The following PAPLN variants were observed in gnomAD, a reference collection of about 807,000 sequenced individuals.
PAPLN encodes the protein papilin, proteoglycan like sulfated glycoprotein.
In PAPLN, 146 loss-of-function variants were observed where a neutral mutation model predicts 159.0. The ratio of observed to expected loss-of-function variants is 0.92; its 90% CI spans 0.80 to 1.05. PAPLN has a LOEUF of 1.05. PAPLN is among the 50% of genes least tolerant of loss of function. The pLI is 0.00. For synonymous variants in PAPLN, 734 were observed against 702.9 expected, an observed-to-expected ratio of 1.04 and a Z score of -0.70; for missense variants, 1,720 against 1,743.9, an observed-to-expected ratio of 0.99 and a Z score of 0.24.
chr14:73,265,414 CA>C lies in PAPLN; in HGVS notation c.3171del (p.Gly1058AlafsTer6). ...QNQPRVVDAS[P>X]GQRIRMTCRA... ...CAGCCCCGGGTGGTGGATGCCAGTC[CA>C]GGCCAGCGGATCCGGATGACCTGCC... On this transcript the variant is annotated frameshift_variant, in exon 23 of 27. Coordinates refer to ENST00000644200, the MANE Select transcript of PAPLN (RefSeq NM_001365906.3). LOFTEE classifies it high-confidence loss of function. The surrounding 1 kb of genome is among the most constrained non-coding windows in gnomAD (Gnocchi z 4.1). The C allele has an allele frequency of 6.2e-7, 1 of 1,612,520 alleles. No individual in the cohort carries two copies. The highest frequency in any genetic ancestry group is 8.5e-7 in the Non-Finnish European group (1 of 1,180,012).
chr14:73,266,944 C>T (rs1427828320), intron 25 of PAPLN, 113 bp downstream of exon 25: 3 of 1,049,068 alleles, frequency 2.9e-6, no homozygotes, highest in African/African-American at 1.6e-5. Flanking sequence ...TTCCGGCTTC[C>T]AGGCCTGGTG....
Position 73,245,500 on chromosome 14 carries a change from T to C in PAPLN, c.171-136T>C. ...ACTCCCACCTGGGGGATTTACGGGG[T>C]GGGGTCGGGGGACACCCTCTCACCT... On this transcript the variant is annotated intron_variant, in intron 3 of 26. Coordinates refer to ENST00000644200, the MANE Select transcript of PAPLN (RefSeq NM_001365906.3). This position sits in a 1 kb window ranked among gnomAD's most constrained non-coding sequence, Gnocchi z 4.2. The C allele has an allele frequency of 1.1e-6, 1 of 916,472 alleles. No homozygotes were observed. Among genetic ancestry groups the C allele is most frequent in the Non-Finnish European group, 1.6e-6 (1 of 617,102 alleles). The allele number at this position is 916,472 out of a possible 1,614,324, so 56.8% of individuals were successfully genotyped here.
chr14:73,239,441 T>G (rs188478663), intron 1 of PAPLN, among the ~76,000 whole-genome samples: 9 of 152,386 alleles, frequency 5.9e-5, no homozygotes, highest in Middle Eastern at 6.8e-3. Context: ...AAAGTGAGTC[T>G]AATTACTCGG....
intron 22 of PAPLN, 92 bp downstream of exon 22, chr14:73,264,818 C>T: frequency 6.4e-7 from 1 of 1,567,610 alleles, no homozygotes; most frequent in Non-Finnish European, 8.6e-7. Context: ...CTGCTGTGAC[C>T]AGGCCTTGCC....
At position 73,245,023 on chromosome 14, in the gene PAPLN, G is replaced by A. The variant is rs1884043950; in HGVS notation, c.170+264G>A. 5.7e-6 allele frequency: 2 copies of A among 351,450 alleles called. No individual in the cohort carries two copies. The highest frequency in any genetic ancestry group is 1.0e-5 in the Non-Finnish European group (2 of 192,394). The allele number at this position is 351,450 out of a possible 1,614,324, so 21.8% of individuals were successfully genotyped here. On this transcript the variant is annotated intron_variant, in intron 3 of 26. Transcript: ENST00000644200. The surrounding 1 kb of genome is among the most constrained non-coding windows in gnomAD (Gnocchi z 4.2). ...TGATGCTGCACCGGCCTGCAGTATG[G>A]CAGGTGCAGTCAATTTTGCTGGAAC...
intron 14 of PAPLN, 98 bp downstream of exon 14, chr14:73,255,116 CTG>C (rs935084341): frequency 2.1e-6 from 3 of 1,456,304 alleles, no homozygotes; most frequent in African/African-American, 2.8e-5. Flanking sequence ...TCTGCCTGCA[CTG>C]TGTCATCCCT....
chr14:73,251,124 G>A (rs1340510543), intron 7 of PAPLN, 94 bp downstream of exon 7: 4 of 1,513,292 alleles, frequency 2.6e-6, no homozygotes, highest in South Asian at 1.3e-5. Flanking sequence ...TCCAGGCCAA[G>A]TGGCCCTCAT....
chr14:73,253,897 C>A lies in PAPLN; in HGVS notation c.1238C>A (p.Pro413His). Reference protein sequence around the residue: ...EAECAGLPGKPPAIQACNLQR... With the variant: ...EAECAGLPGKHPAIQACNLQR... ...GAGTGTGCCGGGCTGCCTGGGAAGC[C>A]CCCTGCCATTCAGGCCTGTAACCTG... Residue 413 changes from proline (P) to histidine (H), a missense_variant, in exon 12 of 27, where the codon CCC becomes CAC. Coordinates refer to ENST00000644200, the MANE Select transcript of PAPLN (RefSeq NM_001365906.3). 6.2e-7 allele frequency: 1 copy of A among 1,613,380 alleles called. No individual in the cohort carries two copies. Among genetic ancestry groups the A allele is most frequent in the Non-Finnish European group, 8.5e-7 (1 of 1,179,920 alleles).
chr14:73,247,168 T>C (rs1884498418), intron 5 of PAPLN, among the ~76,000 whole-genome samples: 2 of 152,124 alleles, frequency 1.3e-5, no homozygotes, highest in South Asian at 4.1e-4. Flanking sequence ...CAGGAGGGGC[T>C]GGAAGGGGCT....
At chr14:73,236,044 C>A (rs1883019086), upstream of PAPLN, among the ~76,000 whole-genome samples, 1 of 152,230 alleles carries the variant, frequency 6.6e-6, no homozygotes, top group African/African-American at 2.4e-5. Context: ...AAAGGCAGAA[C>A]AGCGTGGGGG....
intron 19 of PAPLN, chr14:73,263,374 T>C (rs897886924): frequency 1.8e-6 from 1 of 553,232 alleles, no homozygotes; most frequent in African/African-American, 1.9e-5. Flanking sequence ...CCTCCCGACC[T>C]CTCCCCACCC....
rs1225226340 is a variant in PAPLN at position 73,246,132 on chromosome 14, G to A, written c.291G>A (p.Ala97=). Residue 97 remains alanine, a synonymous_variant, in exon 5 of 27, where the codon GCG becomes GCA. Coordinates refer to ENST00000644200, the MANE Select transcript of PAPLN (RefSeq NM_001365906.3). ...RAEQCAEFDG[A]EFQGRRYRWL... is the part of the protein sequence containing the mutation. The stretch of plus-strand genomic sequence containing the variant: ...AGCAGTGCGCGGAGTTCGACGGAGC[G>A]GAGTTCCAGGGGCGGCGGTATCGGT... 1.3e-6 allele frequency: 2 copies of A among 1,591,270 alleles called. No homozygotes were observed. The highest frequency in any genetic ancestry group is 1.1e-5 in the South Asian group (1 of 88,818).
rs189127558 is a variant in PAPLN at position 73,254,905 on chromosome 14, G to A, written c.1514G>A (p.Arg505Gln). ...TCCAAGAGCTGCAGCTCGGGCACTC[G>A]GAGGCGACAGGTCATCTGTGCCATT... ...LCSKSCSSGTRRRQVICAIGP... is the reference protein window; with the variant it reads ...LCSKSCSSGTQRRQVICAIGP... Residue 505 changes from arginine to glutamine, a missense_variant, in exon 14 of 27, where the codon CGG (arginine) becomes CAG (glutamine). Physicochemically the swap from Arg to Gln is conservative, Grantham distance 43. Transcript: ENST00000644200. 2.1e-5 allele frequency: 34 copies of A among 1,612,648 alleles called. No homozygotes were observed. The highest frequency in any genetic ancestry group is 2.2e-5 in the East Asian group (1 of 44,894).
At chr14:73,244,537 A>T in intron 2 of PAPLN, 107 bp from the exon 3 acceptor site, 1 of 935,562 alleles carries the variant, frequency 1.1e-6, no homozygotes, top group Non-Finnish European at 1.7e-6. Context: ...GGAGAATCCC[A>T]GACTCCTTGA....
chr14:73,258,876 G>A, intron 14 of PAPLN, 103 bp from the exon 15 acceptor site: 1 of 1,094,750 alleles, frequency 9.1e-7, no homozygotes, highest in Non-Finnish European at 1.2e-6. Context: ...GGCCCTGCCT[G>A]GGCAGTGGGG....
In PAPLN at chr14:73,257,410, A is replaced by G. The variant is rs1019510506; in HGVS notation, c.1628-1569A>G. On this transcript the variant is annotated intron_variant, in intron 14 of 26. Transcript: ENST00000644200. ...CAACTTTCACTATGGGCATTATTTC[A>G]GGGGGGGTCCTACAGGTTTTCTCTT... 2.1e-3 allele frequency among the ~76,000 whole-genome samples: 313 copies of G among 151,892 alleles called. 2 individuals are homozygous for G. The highest frequency in any genetic ancestry group is 0.013 in the South Asian group (61 of 4,792).
chr14:73,260,745 G>T lies in PAPLN; in HGVS notation c.2022G>T (p.Glu674Asp). 6.8e-7 allele frequency: 1 copy of T among 1,476,552 alleles called. No individual in the cohort carries two copies. The highest frequency in any genetic ancestry group is 2.5e-5 in the East Asian group (1 of 39,668). The allele number at this position is 1,476,552 out of a possible 1,614,324, so 91.5% of individuals were successfully genotyped here. ...GCCCTGACAGGGTATCTGTCGCTGA[G>T]GGGCCCCATCACGCTGGCTGCACAA... Reference protein sequence around the residue: ...GCCPDRVSVAEGPHHAGCTKS... With the variant: ...GCCPDRVSVADGPHHAGCTKS... Residue 674 changes from glutamate (E) to aspartate (D), a missense_variant, in exon 17 of 27, where the codon GAG becomes GAT. Glu to Asp is a conservative substitution (Grantham distance 45). Coordinates refer to ENST00000644200, the MANE Select transcript of PAPLN (RefSeq NM_001365906.3).
At position 73,245,318 on chromosome 14, in the gene PAPLN, T is replaced by A. The variant is rs1051838529; in HGVS notation, c.171-318T>A. 3.5e-5 allele frequency: 13 copies of A among 372,832 alleles called. No individual in the cohort carries two copies. The highest frequency in any genetic ancestry group is 2.5e-4 in the African/African-American group (12 of 48,032). 23.1% of individuals were successfully genotyped at this position (372,832 alleles called of 1,614,324 possible). On this transcript the variant is annotated intron_variant, in intron 3 of 26. Transcript: ENST00000644200. The surrounding 1 kb of genome is among the most constrained non-coding windows in gnomAD (Gnocchi z 4.2). ...CTGATGTCCTGCTTAGATCGCAGGA[T>A]GGCTGTGCCAAGCGGGTGGGTATTA... is the stretch of plus-strand genomic sequence containing the variant.
chr14:73,267,730 C>T (rs1887361122), intron 25 of PAPLN, among the ~76,000 whole-genome samples: 1 of 152,216 alleles, frequency 6.6e-6, no homozygotes, highest in African/African-American at 2.4e-5. Context: ...GAGGTGTCCC[C>T]ACTGGTGTGC....
Sources: allele counts gnomAD v4.1 joint callset (sites outside exome capture counted in the v4.1 genomes callset), GRCh38; gene constraint gnomAD v4.1.1; non-coding constraint Gnocchi (gnomAD v3.1); transcripts MANE v1.5; gene names NCBI Gene and HGNC (gene_info 2026-07-23, HGNC 2026-07-21).